PCDH7: variants seen among roughly 807,000 people sequenced by gnomAD.
The protein encoded by PCDH7 is protocadherin 7.
PCDH7 carries 17 observed loss-of-function variants against 58.9 expected under a neutral mutation model. The ratio of observed to expected loss-of-function variants is 0.29; its 90% CI spans 0.20 to 0.43. PCDH7 has a LOEUF of 0.43. Among genes scored for constraint, PCDH7 ranks in the 20% least tolerant of loss-of-function variants. The pLI is 1.00. For missense variants in PCDH7, 1,274 were observed against 1,441.0 expected (o/e 0.88, Z 1.88); for synonymous variants, 664 against 616.4 (o/e 1.08, Z -1.14).
intron 1 of PCDH7, among the ~76,000 whole-genome samples, chr4:30,809,449 A>G (rs773775755): frequency 2.0e-4 from 31 of 152,144 alleles, no homozygotes; most frequent in Non-Finnish European, 3.7e-4. Context: ...GGTCAAATGC[A>G]AGAATTTTTT....
chr4:30,934,171 A>G (rs1372128905), intron 2 of PCDH7, among the ~76,000 whole-genome samples: 1 of 152,154 alleles, frequency 6.6e-6, no homozygotes, highest in Non-Finnish European at 1.5e-5. Context: ...TGCCTATTTC[A>G]GCCCCAAACT....
At chr4:31,044,179 G>T (rs1446400695) in intron 3 of PCDH7, among the ~76,000 whole-genome samples, 1 of 151,632 alleles carries the variant, frequency 6.6e-6, no homozygotes, top group African/African-American at 2.4e-5. Flanking sequence ...CAGTATAACA[G>T]ATGCCACATT....
At chr4:31,119,601 G>T (rs189676367) in intron 3 of PCDH7, among the ~76,000 whole-genome samples, 1 of 152,190 alleles carries the variant, frequency 6.6e-6, no homozygotes, top group Admixed American at 6.5e-5. Flanking sequence ...AGAGACCCAA[G>T]CAGGCGACTT....
chr4:30,742,441 A>G (rs1295735423), intron 1 of PCDH7, among the ~76,000 whole-genome samples: 2 of 152,160 alleles, frequency 1.3e-5, no homozygotes, highest in Non-Finnish European at 2.9e-5. Flanking sequence ...AAGAACAGAC[A>G]TGGCTTCGAA....
At chr4:30,741,304 C>T (rs1717043905) in intron 1 of PCDH7, among the ~76,000 whole-genome samples, 1 of 151,574 alleles carries the variant, frequency 6.6e-6, no homozygotes, top group South Asian at 2.1e-4. Context: ...GATTCTCCCA[C>T]CTCAGCCTCC....
intron 1 of PCDH7, among the ~76,000 whole-genome samples, chr4:30,793,534 T>C (rs566172210): frequency 1.2e-3 from 182 of 150,990 alleles, no homozygotes; most frequent in African/African-American, 4.1e-3. Context: ...GTGAAGACAA[T>C]TAAAAAAAGA....
intron 3 of PCDH7, among the ~76,000 whole-genome samples, chr4:30,996,755 A>G (rs1751934658): frequency 6.6e-6 from 1 of 152,226 alleles, no homozygotes; most frequent in East Asian, 1.9e-4. Context: ...TAATTATAAG[A>G]CAATTGATGA....
intron 3 of PCDH7, among the ~76,000 whole-genome samples, chr4:31,044,863 T>A (rs754230982): frequency 6.6e-6 from 1 of 152,078 alleles, no homozygotes; most frequent in Non-Finnish European, 1.5e-5. Context: ...CTTTTATGTA[T>A]TTATCAATTT....
At chr4:31,016,325 G>T (rs1052221594) in intron 3 of PCDH7, among the ~76,000 whole-genome samples, 1 of 151,800 alleles carries the variant, frequency 6.6e-6, no homozygotes, top group Admixed American at 6.6e-5. Flanking sequence ...AGAAAATTTG[G>T]CTCCTGTTAA....
At chr4:31,060,857 C>T (rs1054754105) in intron 3 of PCDH7, among the ~76,000 whole-genome samples, 2 of 151,638 alleles carry the variant, frequency 1.3e-5, no homozygotes, top group African/African-American at 4.8e-5. Context: ...AGTTTTTCAA[C>T]ATTCTCTGTA....
intron 2 of PCDH7, among the ~76,000 whole-genome samples, chr4:30,922,850 G>T (rs1443261208): frequency 6.6e-6 from 1 of 152,118 alleles, no homozygotes; most frequent in Non-Finnish European, 1.5e-5. Flanking sequence ...TCTAAATGTA[G>T]CAGTTGACCT....
chr4:31,005,574 A>G (rs186903790), intron 3 of PCDH7, among the ~76,000 whole-genome samples: 4 of 152,222 alleles, frequency 2.6e-5, no homozygotes, highest in Non-Finnish European at 5.9e-5. Flanking sequence ...GTTTATCGGC[A>G]TGATACGATT....
chr4:30,781,925 GC>G (rs1722857785), intron 1 of PCDH7, among the ~76,000 whole-genome samples: 1 of 152,104 alleles, frequency 6.6e-6, no homozygotes, highest in African/African-American at 2.4e-5. Context: ...GGCGCTAATG[GC>G]CTTTGTGTGT....
intron 1 of PCDH7, among the ~76,000 whole-genome samples, chr4:30,823,412 C>G (rs1218261271): frequency 6.6e-6 from 1 of 152,094 alleles, no homozygotes; most frequent in Non-Finnish European, 1.5e-5. Context: ...CTTATTAGTA[C>G]GTGCCCTTTA....
chr4:30,840,187 A>G (rs1053405755), intron 1 of PCDH7, among the ~76,000 whole-genome samples: 1 of 151,390 alleles, frequency 6.6e-6, no homozygotes, highest in Non-Finnish European at 1.5e-5. Flanking sequence ...GCCTGCTAGG[A>G]TTTCTGTGCC....
chr4:31,016,881 A>G (rs1578569621), intron 3 of PCDH7, among the ~76,000 whole-genome samples: 1 of 136,750 alleles, frequency 7.3e-6, no homozygotes, highest in Non-Finnish European at 1.6e-5. Flanking sequence ...GTGTGTGTGC[A>G]TATGTGTGTG....
At chr4:30,928,100 T>G (rs1204864796) in intron 2 of PCDH7, among the ~76,000 whole-genome samples, 1 of 152,148 alleles carries the variant, frequency 6.6e-6, no homozygotes, top group East Asian at 1.9e-4. Flanking sequence ...CTTATCCTAC[T>G]AAGTAACTGG....
intron 3 of PCDH7, among the ~76,000 whole-genome samples, chr4:30,957,252 G>C (rs1450348510): frequency 6.6e-6 from 1 of 152,074 alleles, no homozygotes; most frequent in Non-Finnish European, 1.5e-5. Flanking sequence ...CAGGATAACA[G>C]ACATCAATTA....
At position 30,721,812 on chromosome 4, in the gene PCDH7, G is replaced by C. The variant is rs760174157; in HGVS notation, c.390G>C (p.Gln130His). ...GCTGGGTGGACCTGTTTGAGGGTCA[G>C]GTCATCGTGCTTGACATCAACGACA... Residue 130 changes from glutamine to histidine, a missense_variant, in exon 1 of 2, where the codon CAG becomes CAC. Gln to His is a conservative substitution (Grantham distance 24). Coordinates refer to ENST00000361762, the Ensembl canonical transcript of PCDH7. The surrounding 1 kb of genome is among the most constrained non-coding windows in gnomAD (Gnocchi z 6.7). 13 of 1,612,250 alleles carry C rather than the reference G, an allele frequency of 8.1e-6. No homozygotes were observed. The East Asian group carries it at 2.7e-4, about 33-fold the overall frequency.
Sources: allele counts gnomAD v4.1 joint callset (sites outside exome capture counted in the v4.1 genomes callset), GRCh38; gene constraint gnomAD v4.1.1; non-coding constraint Gnocchi (gnomAD v3.1); transcripts MANE v1.5; gene names NCBI Gene and HGNC (gene_info 2026-07-23, HGNC 2026-07-21).